The following HMGA2 variants were observed in gnomAD, a reference collection of about 807,000 sequenced individuals.
HMGA2 encodes the protein high mobility group protein HMGI-C.
A neutral mutation model predicts 19.1 loss-of-function variants in HMGA2; 8 were observed. The ratio of observed to expected loss-of-function variants is 0.42; its 90% confidence interval spans 0.25 to 0.76. The LOEUF is 0.76. Ranked by LOEUF, HMGA2 falls within the 30% of genes least tolerant of loss-of-function variation. The pLI is 0.28. For synonymous variants in HMGA2, 60 were observed against 48.8 expected (o/e 1.23, Z -0.96); for missense variants, 109 against 136.3 (o/e 0.80, Z 1.00).
intron 3 of HMGA2, chr12:65,842,533 G>A (rs549124143): frequency 7.6e-7 from 1 of 1,316,766 alleles, no homozygotes; most frequent in African/African-American, 1.5e-5. Flanking sequence ...TATTAATCAA[G>A]TTTAAGAACT....
At chr12:65,942,936 A>T (rs1225999730) in intron 3 of HMGA2, among the ~76,000 whole-genome samples, 4 of 151,982 alleles carry the variant, frequency 2.6e-5, no homozygotes, top group South Asian at 2.1e-4. Context: ...TTCTTCTGGA[A>T]TTTTTTTTCA....
Position 65,827,992 on chromosome 12 carries a change from C to A in HMGA2, c.112-9C>A. On this transcript the variant is annotated splice_polypyrimidine_tract_variant and intron_variant, in intron 1 of 4. Coordinates refer to ENST00000403681, the MANE Select transcript of HMGA2 (RefSeq NM_003483.6). ...GCCACAACAGCATTTTTTTTTCCCT[C>A]ACAATTAGGAACCAACCGGTGAGCC... The A allele has an allele frequency of 6.2e-7, 1 of 1,602,902 alleles. No individual in the cohort carries two copies. The highest frequency in any genetic ancestry group is 1.1e-5 in the South Asian group (1 of 90,822).
intron 3 of HMGA2, chr12:65,874,323 T>C (rs982601215): frequency 6.6e-6 from 1 of 151,980 alleles, no homozygotes; most frequent in Non-Finnish European, 1.5e-5. Flanking sequence ...TAAAGTCTAC[T>C]ACTTAGTTGA....
In HMGA2 at chr12:65,832,182, T is replaced by G. The variant is rs1261642966; in HGVS notation, c.198+4095T>G. ...TTACCTAAACAATTGACTAATTTTT[T>G]TCTTTCACTTTGCCAGGGAAGACAA... On this transcript the variant is annotated intron_variant, in intron 2 of 4. Transcript: ENST00000403681. 2.6e-5 allele frequency among the ~76,000 whole-genome samples: 4 copies of G among 152,018 alleles called. 1 individual carries two copies. Among genetic ancestry groups the G allele is most frequent in the African/African-American group, 7.2e-5 (3 of 41,422 alleles).
intron 3 of HMGA2, among the ~76,000 whole-genome samples, chr12:65,886,813 A>C (rs1054548591): frequency 3.9e-5 from 6 of 152,174 alleles, no homozygotes; most frequent in African/African-American, 1.4e-4. Flanking sequence ...TCAACCCACC[A>C]GCCAAGACCC....
chr12:65,870,401 C>G (rs1455735803), intron 3 of HMGA2, among the ~76,000 whole-genome samples: 1 of 152,190 alleles, frequency 6.6e-6, no homozygotes, highest in Admixed American at 6.5e-5. Flanking sequence ...ATGAATGACA[C>G]TTCAGCTGAG....
At chr12:65,875,189 A>G (rs530780623) in intron 3 of HMGA2, among the ~76,000 whole-genome samples, 1 of 152,304 alleles carries the variant, frequency 6.6e-6, no homozygotes, top group Non-Finnish European at 1.5e-5. Context: ...GAGAAAATAT[A>G]CTGACAGTGG....
chr12:65,873,670 C>T (rs950544537), intron 3 of HMGA2: 4 of 152,062 alleles, frequency 2.6e-5, no homozygotes, highest in Admixed American at 2.6e-4. Flanking sequence ...TAGATACATA[C>T]ATATATTTAA....
intron 3 of HMGA2, among the ~76,000 whole-genome samples, chr12:65,847,667 C>G (rs1871284405): frequency 6.6e-6 from 1 of 152,132 alleles, no homozygotes. Context: ...GTGTGTAAAA[C>G]AAAGGGTAAT....
intron 3 of HMGA2, among the ~76,000 whole-genome samples, chr12:65,947,341 G>A (rs377026590): frequency 5.3e-5 from 8 of 152,166 alleles, no homozygotes; most frequent in Admixed American, 2.0e-4. Flanking sequence ...TCTCGAACTC[G>A]TGAGCTCAAA....
intron 3 of HMGA2, among the ~76,000 whole-genome samples, chr12:65,883,952 A>G (rs1873549909): frequency 6.6e-6 from 1 of 151,928 alleles, no homozygotes; most frequent in Non-Finnish European, 1.5e-5. Context: ...GCAACCTCCA[A>G]CCTCCCAGGT....
At chr12:65,908,823 G>A (rs918272129) in intron 3 of HMGA2, among the ~76,000 whole-genome samples, 2 of 152,198 alleles carry the variant, frequency 1.3e-5, no homozygotes, top group South Asian at 4.1e-4. Context: ...TTTCTGCAAT[G>A]TGGTCAACTA....
chr12:65,860,180 A>T (rs1302501269), intron 3 of HMGA2: 1 of 316,948 alleles, frequency 3.2e-6, no homozygotes, highest in Non-Finnish European at 6.7e-6. Flanking sequence ...GCCTACCTTA[A>T]ATATGCTCAG....
At chr12:65,951,119 G>C (rs1490656797) in intron 3 of HMGA2, among the ~76,000 whole-genome samples, 1 of 152,020 alleles carries the variant, frequency 6.6e-6, no homozygotes. Flanking sequence ...TGTAGAGAGA[G>C]GGTTTCACCA....
chr12:65,880,782 TA>T (rs956679648), intron 3 of HMGA2, among the ~76,000 whole-genome samples: 13 of 150,720 alleles, frequency 8.6e-5, no homozygotes, highest in East Asian at 3.9e-4. Context: ...TTCTTTTACT[TA>T]AAAAAAAAAT....
chr12:65,927,784 G>A (rs1003525358), intron 3 of HMGA2, among the ~76,000 whole-genome samples: 1 of 151,160 alleles, frequency 6.6e-6, no homozygotes, highest in Non-Finnish European at 1.5e-5. Context: ...AGAAAATAAA[G>A]GCTTATTGGT....
At chr12:65,942,967 T>C (rs1301969942) in intron 3 of HMGA2, among the ~76,000 whole-genome samples, 2 of 152,234 alleles carry the variant, frequency 1.3e-5, no homozygotes, top group Non-Finnish European at 2.9e-5. Context: ...CTCTACTTTT[T>C]CATTTTCCCT....
chr12:65,908,531 G>A (rs1379894585), intron 3 of HMGA2, among the ~76,000 whole-genome samples: 1 of 151,880 alleles, frequency 6.6e-6, no homozygotes, highest in African/African-American at 2.4e-5. Flanking sequence ...TTCAAAATGA[G>A]TTTCATATGT....
intron 3 of HMGA2, chr12:65,857,073 A>C (rs1035032096): frequency 5.3e-5 from 8 of 152,236 alleles, no homozygotes; most frequent in Non-Finnish European, 1.2e-4. Flanking sequence ...TTTGTAATGC[A>C]TAATGAGAAA....
Sources: gnomAD v4.1 joint callset for allele counts (sites outside exome capture counted in the v4.1 genomes callset) on GRCh38, gnomAD v4.1.1 for gene constraint, MANE v1.5 for transcripts, NCBI Gene and HGNC (gene_info 2026-07-23, HGNC 2026-07-21) for gene names.